ZNF625: variants seen among roughly 807,000 people sequenced by gnomAD.
ZNF625 encodes the protein zinc finger protein 625.
In ZNF625, 8 loss-of-function variants were observed where a neutral mutation model predicts 11.1. That is an observed-to-expected ratio of 0.72 (90% CI 0.42 to 1.30). The LOEUF is 1.30. Among genes scored for constraint, ZNF625 ranks in the 50% most tolerant of loss-of-function variants. The probability of loss-of-function intolerance (pLI) is 0.01; values close to 1 mark genes in which losing one functional copy is unlikely to be tolerated. For missense variants in ZNF625, 349 were observed against 447.6 expected, an observed-to-expected ratio of 0.78 and a Z score of 1.99; for synonymous variants, 145 against 153.4, an observed-to-expected ratio of 0.95 and a Z score of 0.41.
chr19:12,148,304 A>G (rs1436426113), intron 1 of ZNF625, among the ~76,000 whole-genome samples: 1 of 152,046 alleles, frequency 6.6e-6, no homozygotes, highest in Non-Finnish European at 1.5e-5. Context: ...CTGACTGATA[A>G]GAGTCATAAC....
intron 1 of ZNF625, among the ~76,000 whole-genome samples, chr19:12,152,738 A>C (rs1355068048): frequency 6.6e-6 from 1 of 151,688 alleles, no homozygotes; most frequent in Non-Finnish European, 1.5e-5. Context: ...GCTACCCAGG[A>C]GGCTGAGGTA....
intron 1 of ZNF625, among the ~76,000 whole-genome samples, chr19:12,151,528 C>T (rs930153851): frequency 3.3e-5 from 5 of 151,914 alleles, no homozygotes; most frequent in Non-Finnish European, 5.9e-5. Context: ...CTACAGGCCC[C>T]GCCACCACGC....
In ZNF625 at chr19:12,146,970, A is replaced by ATTTTTTTTTTTTTTTTTTTTTTTTTT. The variant is rs934558893; in HGVS notation, c.191+424_191+425insAAAAAAAAAAAAAAAAAAAAAAAAAA. ...CACACTTAAATATATGTTTTTAGAG[A>ATTTTTTTTTTTTTTTTTTTTTTTTTT]TTTTTTTTTTTTTTGAGACGGAGTC... On this transcript the variant is annotated intron_variant, in intron 3 of 3. Coordinates refer to ENST00000439556, the MANE Select transcript of ZNF625 (RefSeq NM_145233.4). 4.6e-4 allele frequency among the ~76,000 whole-genome samples: 60 copies of ATTTTTTTTTTTTTTTTTTTTTTTTTT among 130,796 alleles called. 1 individual carries two copies. Among genetic ancestry groups the ATTTTTTTTTTTTTTTTTTTTTTTTTT allele is most frequent in the Admixed American group, 7.6e-4 (10 of 13,144 alleles). 85.8% of individuals were successfully genotyped at this position (130,796 alleles called of 152,430 possible). A position where few individuals can be genotyped will look rare whatever the true frequency, so the allele number is the denominator to read the frequency against.
chr19:12,150,736 G>T (rs934038533), intron 1 of ZNF625, among the ~76,000 whole-genome samples: 15 of 152,140 alleles, frequency 9.9e-5, no homozygotes, highest in Admixed American at 9.8e-4. Context: ...AATGCATAGG[G>T]GATAATATGC....
In ZNF625 at chr19:12,153,061, A is replaced by T. The variant is rs146380777; in HGVS notation, c.3+3495T>A. On this transcript the variant is annotated intron_variant, in intron 1 of 3. Transcript: ENST00000439556. ...GCTACTAGGCCAACCAGGTCAGAAA[A>T]CAAAAGCCTAGGCGGGACGCGGTGG... Among the ~76,000 whole-genome samples the T allele has an allele frequency of 5.6e-3, 855 of 152,088 alleles. 5 individuals are homozygous for T. The highest frequency in any genetic ancestry group is 0.02 in the African/African-American group (812 of 41,506).
At chr19:12,146,878 G>A (rs1188894498) in intron 3 of ZNF625, among the ~76,000 whole-genome samples, 1 of 152,054 alleles carries the variant, frequency 6.6e-6, no homozygotes, top group East Asian at 1.9e-4. Context: ...TTCAGCTCAA[G>A]CAATCTCTGA....
chr19:12,156,479 G>C, intron 1 of ZNF625, 77 bp downstream of exon 1: 4 of 1,270,992 alleles, frequency 3.1e-6, no homozygotes, highest in South Asian at 1.8e-5. Flanking sequence ...GGAAGGCCTG[G>C]GTCCTGCTAG....
chr19:12,153,471 G>C (rs1225529851), intron 1 of ZNF625, among the ~76,000 whole-genome samples: 1 of 151,906 alleles, frequency 6.6e-6, no homozygotes, highest in Non-Finnish European at 1.5e-5. Flanking sequence ...GATCACCTGA[G>C]GTCAGGAGTT....
In ZNF625 at chr19:12,145,633, G is replaced by A. The variant is rs776259738; in HGVS notation, c.783C>T (p.Cys261=). The change falls in exon 4 of 4, where the codon TGC becomes TGT. Residue 261 remains cysteine (C), a synonymous_variant. Coordinates refer to ENST00000439556, the MANE Select transcript of ZNF625 (RefSeq NM_145233.4). The part of the protein sequence containing the change: ...ECGKAFHSST[C]LHAHKITHTG... ...TGTGAGTTATTTTATGTGCATGGAG[G>A]CATGTGGAACTATGGAATGCTTTCC... is the stretch of plus-strand genomic sequence containing the variant. 2 of 1,614,078 alleles carry A rather than the reference G, an allele frequency of 1.2e-6. No individual in the cohort carries two copies. Among genetic ancestry groups the A allele is most frequent in the Admixed American group, 1.7e-5 (1 of 60,014 alleles).
chr19:12,153,960 G>C (rs1405791623), intron 1 of ZNF625, among the ~76,000 whole-genome samples: 1 of 150,844 alleles, frequency 6.6e-6, no homozygotes, highest in Non-Finnish European at 1.5e-5. Flanking sequence ...GGCACCTGCC[G>C]CCATGTCCGG....
intron 1 of ZNF625, among the ~76,000 whole-genome samples, chr19:12,154,841 T>C (rs892316475): frequency 1.3e-5 from 2 of 152,084 alleles, no homozygotes; most frequent in Non-Finnish European, 2.9e-5. Context: ...GTTACATTAG[T>C]AAGGGAGATC....
In ZNF625 at chr19:12,145,309, C is replaced by T. The variant is rs763715214; in HGVS notation, c.1107G>A (p.Glu369=). The change falls in exon 4 of 4, where the codon GAG becomes GAA. Residue 369 remains glutamate (E), a synonymous_variant. Transcript: ENST00000439556. ...CSSNTSKGQG[E]KIA Reference sequence around the variant, plus strand: ...AATCTTATGTGAATTAAGCAATCTTCTCGCCTTGGCCTTTCGAAGTGTTGG... The same window carrying T: ...AATCTTATGTGAATTAAGCAATCTTTTCGCCTTGGCCTTTCGAAGTGTTGG... 2.5e-6 allele frequency: 4 copies of T among 1,604,956 alleles called. No individual in the cohort carries two copies. The highest frequency in any genetic ancestry group is 1.7e-4 in the Middle Eastern group (1 of 6,038).
chr19:12,152,578 C>A (rs1261878726), intron 1 of ZNF625, among the ~76,000 whole-genome samples: 2 of 152,168 alleles, frequency 1.3e-5, no homozygotes, highest in African/African-American at 2.4e-5. Flanking sequence ...TGCAGTGGCT[C>A]ACACCTGTAA....
intron 2 of ZNF625, 50 bp downstream of exon 2, chr19:12,147,626 G>A (rs1976895493): frequency 3.7e-6 from 6 of 1,612,512 alleles, no homozygotes; most frequent in Middle Eastern, 1.6e-4. Context: ...TGACAAGCTA[G>A]AAACACTTGT....
intron 1 of ZNF625, among the ~76,000 whole-genome samples, chr19:12,155,131 C>A (rs994678394): frequency 2.0e-5 from 3 of 150,776 alleles, no homozygotes; most frequent in African/African-American, 7.3e-5. Context: ...GAGGCTGAGG[C>A]AGGAGAATTG....
At chr19:12,154,956 C>T (rs1234755797) in intron 1 of ZNF625, among the ~76,000 whole-genome samples, 2 of 152,250 alleles carry the variant, frequency 1.3e-5, no homozygotes, top group East Asian at 3.9e-4. Context: ...TGGCTCAGTC[C>T]TGTAATCCTA....
At chr19:12,155,790 C>G (rs1441554510) in intron 1 of ZNF625, among the ~76,000 whole-genome samples, 4 of 152,090 alleles carry the variant, frequency 2.6e-5, no homozygotes, top group African/African-American at 9.7e-5. Flanking sequence ...TTTCAAACTC[C>G]TATTCTGAGA....
chr19:12,152,809 A>C (rs549245099), intron 1 of ZNF625, among the ~76,000 whole-genome samples: 1 of 151,978 alleles, frequency 6.6e-6, no homozygotes, highest in East Asian at 1.9e-4. Context: ...GCCATTGCAC[A>C]TCCCAGCCTG....
At chr19:12,149,435 G>A (rs1397331614) in intron 1 of ZNF625, among the ~76,000 whole-genome samples, 6 of 149,976 alleles carry the variant, frequency 4.0e-5, no homozygotes, top group Admixed American at 6.6e-5. Flanking sequence ...CAACCTGTCC[G>A]TTGTTACAAC....
Sources: allele counts gnomAD v4.1 joint callset (sites outside exome capture counted in the v4.1 genomes callset), GRCh38; gene constraint gnomAD v4.1.1; transcripts MANE v1.5; gene names NCBI Gene and HGNC (gene_info 2026-07-23, HGNC 2026-07-21).